The following ASXL1 variants were observed in gnomAD, a reference collection of about 807,000 sequenced individuals.
ASXL1 encodes the protein polycomb group protein ASXL1.
ASXL1 carries 65 observed loss-of-function variants against 89.1 expected under a neutral mutation model. The observed-to-expected ratio is 0.73, with a 90% CI of 0.60 to 0.90. The LOEUF (loss-of-function observed/expected upper bound fraction) is 0.90. ASXL1 is among the 40% of genes least tolerant of loss of function. The probability of loss-of-function intolerance (pLI) is 0.00; values close to 1 mark genes in which losing one functional copy is unlikely to be tolerated. For missense variants in ASXL1, 1,786 were observed against 1,942.9 expected (o/e 0.92, Z 1.52); for synonymous variants, 739 against 746.9 (o/e 0.99, Z 0.17).
chr20:32,373,059 G>A (rs1371026032), intron 4 of ASXL1, among the ~76,000 whole-genome samples: 5 of 148,624 alleles, frequency 3.4e-5, no homozygotes, highest in Non-Finnish European at 7.4e-5. Flanking sequence ...TTACATGCAT[G>A]AGCCACCTCG....
intron 3 of ASXL1, among the ~76,000 whole-genome samples, chr20:32,368,031 T>TA (rs2048235581): frequency 6.6e-6 from 1 of 152,214 alleles, no homozygotes; most frequent in African/African-American, 2.4e-5. Flanking sequence ...AAATAAGTAA[T>TA]AGTTTTTTAA....
chr20:32,385,629 T>G (rs2048566240), intron 4 of ASXL1, among the ~76,000 whole-genome samples: 1 of 152,162 alleles, frequency 6.6e-6, no homozygotes, highest in African/African-American at 2.4e-5. Flanking sequence ...CAACTTTTTT[T>G]TTTTAGTCTT....
chr20:32,363,073 A>G (rs1019205727), intron 1 of ASXL1, among the ~76,000 whole-genome samples: 2 of 152,204 alleles, frequency 1.3e-5, no homozygotes, highest in East Asian at 1.9e-4. Flanking sequence ...GAAAGAGACT[A>G]GGAATAGAAC....
At chr20:32,425,548 G>A (rs950896943) in intron 4 of ASXL1, among the ~76,000 whole-genome samples, 6 of 152,144 alleles carry the variant, frequency 3.9e-5, no homozygotes, top group East Asian at 1.9e-4. Flanking sequence ...ATCTCATTGC[G>A]GTTTTAATTT....
At chr20:32,377,972 C>CTGTGTGTGTGTGTG (rs112878923) in intron 4 of ASXL1, among the ~76,000 whole-genome samples, 3,525 of 115,320 alleles carry the variant, frequency 0.031, 208 homozygotes, top group Admixed American at 0.078. Context: ...AGTTTTGACT[C>CTGTGTGTGTGTGTG]TGTGTGTGTG....
At chr20:32,366,333 G>A (rs963420573) in intron 1 of ASXL1, 51 bp from the exon 2 acceptor site, 3 of 1,466,062 alleles carry the variant, frequency 2.0e-6, no homozygotes, top group Non-Finnish European at 1.9e-6. Flanking sequence ...ATGGATGGAT[G>A]GATATAAATG....
At chr20:32,392,281 A>ATT (rs35202000) in intron 4 of ASXL1, among the ~76,000 whole-genome samples, 2,003 of 131,048 alleles carry the variant, frequency 0.015, 46 homozygotes, top group African/African-American at 0.053. Flanking sequence ...AGCCTAGCTG[A>ATT]TTTTTTTTTT....
chr20:32,402,468 AC>A (rs1406391976), intron 4 of ASXL1, among the ~76,000 whole-genome samples: 3 of 152,268 alleles, frequency 2.0e-5, no homozygotes, highest in African/African-American at 7.2e-5. Context: ...TAGGATGAAT[AC>A]CTACCTATGA....
chr20:32,379,123 T>C (rs1476152686), intron 4 of ASXL1, among the ~76,000 whole-genome samples: 1 of 143,632 alleles, frequency 7.0e-6, no homozygotes, highest in Non-Finnish European at 1.5e-5. Flanking sequence ...GGTTCATAAA[T>C]GGTGATTCCA....
At chr20:32,418,120 G>T (rs1372545821) in intron 4 of ASXL1, among the ~76,000 whole-genome samples, 2 of 152,140 alleles carry the variant, frequency 1.3e-5, no homozygotes, top group Non-Finnish European at 2.9e-5. Flanking sequence ...AGAGATTGCA[G>T]TGAGCTGAGA....
In ASXL1 at chr20:32,413,607, G is replaced by C. The variant is rs73244965; in HGVS notation, c.253-14521G>C. Reference sequence around the variant, plus strand: ...TCCGCATGGACAGTTTGTGGTGTAAGGTGGCCAGCCATCCTGGTTTGCCCA... The same window carrying C: ...TCCGCATGGACAGTTTGTGGTGTAACGTGGCCAGCCATCCTGGTTTGCCCA... On this transcript the variant is annotated intron_variant, in intron 4 of 12. Coordinates refer to ENST00000375687, the MANE Select transcript of ASXL1 (RefSeq NM_015338.6). 9.8e-3 allele frequency among the ~76,000 whole-genome samples: 1,492 copies of C among 152,276 alleles called. 20 individuals carry two copies. Among genetic ancestry groups the C allele is most frequent in the African/African-American group, 0.034 (1,413 of 41,564 alleles).
intron 1 of ASXL1, among the ~76,000 whole-genome samples, chr20:32,363,666 C>T (rs1190662716): frequency 2.6e-5 from 4 of 152,172 alleles, no homozygotes; most frequent in Admixed American, 2.6e-4. Context: ...AGACATTTAC[C>T]TCTGCCTGGC....
chr20:32,419,766 C>T (rs2049207439), intron 4 of ASXL1, among the ~76,000 whole-genome samples: 1 of 151,030 alleles, frequency 6.6e-6, no homozygotes, highest in Admixed American at 6.6e-5. Context: ...ACTGCAACCT[C>T]CGTCTCCCAT....
At chr20:32,428,550 G>A (rs1358356777) in intron 6 of ASXL1, 128 bp downstream of exon 6, 7 of 843,336 alleles carry the variant, frequency 8.3e-6, no homozygotes, top group Admixed American at 2.0e-5. Flanking sequence ...GTCTCCAGCT[G>A]TTAGTAGCAT....
At chr20:32,392,066 G>A (rs2048682055) in intron 4 of ASXL1, among the ~76,000 whole-genome samples, 1 of 151,376 alleles carries the variant, frequency 6.6e-6, no homozygotes, top group Non-Finnish European at 1.5e-5. Flanking sequence ...TGGACCATGT[G>A]TATTTAATTA....
intron 4 of ASXL1, among the ~76,000 whole-genome samples, chr20:32,410,915 C>G (rs997109064): frequency 6.6e-6 from 1 of 151,548 alleles, no homozygotes. Flanking sequence ...CCTGTAATCT[C>G]AGCTACTGGG....
intron 4 of ASXL1, chr20:32,427,462 G>C (rs1451167283): frequency 6.3e-6 from 1 of 158,928 alleles, no homozygotes; most frequent in Non-Finnish European, 1.4e-5. Context: ...CCTCCACATG[G>C]GTCTTACCAT....
chr20:32,411,197 G>A (rs375294296), intron 4 of ASXL1, among the ~76,000 whole-genome samples: 9 of 116,846 alleles, frequency 7.7e-5, no homozygotes, highest in East Asian at 2.3e-4. Flanking sequence ...TTGTTTATTC[G>A]TTGTGAATTT....
chr20:32,402,571 A>T (rs1320733814), intron 4 of ASXL1, among the ~76,000 whole-genome samples: 1 of 152,238 alleles, frequency 6.6e-6, no homozygotes, highest in East Asian at 1.9e-4. Flanking sequence ...TTTCATTCCC[A>T]CTAACAATGT....
Sources: allele counts gnomAD v4.1 joint callset (sites outside exome capture counted in the v4.1 genomes callset), GRCh38; gene constraint gnomAD v4.1.1; transcripts MANE v1.5; gene names NCBI Gene and HGNC (gene_info 2026-07-23, HGNC 2026-07-21).